The following GABRG3 variants were observed in gnomAD, a reference collection of about 807,000 sequenced individuals.
GABRG3 encodes gamma-aminobutyric acid type A receptor subunit gamma3, also known as gamma-aminobutyric acid receptor subunit gamma-3.
A neutral mutation model predicts 48.8 loss-of-function variants in GABRG3; 25 were observed. That is an observed-to-expected ratio of 0.51 (90% CI 0.37 to 0.72). The LOEUF (loss-of-function observed/expected upper bound fraction) is 0.72. Among genes scored for constraint, GABRG3 ranks in the 30% least tolerant of loss-of-function variants. The pLI is 0.00. For synonymous variants in GABRG3, 227 were observed against 217.6 expected (o/e 1.04, Z -0.38); for missense variants, 394 against 577.9 (o/e 0.68, Z 3.26).
intron 3 of GABRG3, among the ~76,000 whole-genome samples, chr15:27,247,180 T>A (rs1259218134): frequency 1.3e-5 from 2 of 152,120 alleles, no homozygotes; most frequent in Non-Finnish European, 2.9e-5. Context: ...CCTCAAGCAG[T>A]CCTCCCACTT....
chr15:27,126,619 G>A (rs76405947), intron 3 of GABRG3, among the ~76,000 whole-genome samples: 2,801 of 152,246 alleles, frequency 0.018, 82 homozygotes, highest in African/African-American at 0.065. Flanking sequence ...AGGCCTTTCC[G>A]AGCTCCCCTG....
rs1891545566 is a variant in GABRG3 at position 27,536,304 on chromosome 15, G to A, written c.*3423G>A. Reference sequence around the variant, plus strand: ...AGAGACTCCCTACATACCAGACAGAGAAGGACAAAGTTAGTATAATTTACT... The same window carrying A: ...AGAGACTCCCTACATACCAGACAGAAAAGGACAAAGTTAGTATAATTTACT... On this transcript the variant is annotated 3_prime_UTR_variant, in exon 10 of 10. Transcript: ENST00000615808. 6.6e-6 allele frequency: 1 copy of A among 152,164 alleles called. No homozygotes were observed. The highest frequency in any genetic ancestry group is 1.5e-5 in the Non-Finnish European group (1 of 68,040). 9.4% of individuals were successfully genotyped at this position (152,164 alleles called of 1,614,324 possible).
At chr15:27,425,448 CAA>C (rs57986546) in intron 5 of GABRG3, among the ~76,000 whole-genome samples, 15 of 77,836 alleles carry the variant, frequency 1.9e-4, no homozygotes, top group Non-Finnish European at 2.1e-4. Context: ...ACTAAAAATA[CAA>C]AAAAAAAAAA....
At chr15:27,313,260 G>GTATATATATATA (rs1391208486) in intron 3 of GABRG3, among the ~76,000 whole-genome samples, 4 of 49,554 alleles carry the variant, frequency 8.1e-5, no homozygotes, top group Non-Finnish European at 1.1e-4. Context: ...GTGTGTGTGT[G>GTATATATATATA]TGTATATATA....
intron 3 of GABRG3, among the ~76,000 whole-genome samples, chr15:27,265,266 C>G (rs1379869337): frequency 6.6e-6 from 1 of 152,036 alleles, no homozygotes; most frequent in Non-Finnish European, 1.5e-5. Context: ...CCAGTCACTT[C>G]TATAGTATAA....
At chr15:27,321,698 C>T (rs1277647533) in intron 3 of GABRG3, among the ~76,000 whole-genome samples, 3 of 152,150 alleles carry the variant, frequency 2.0e-5, no homozygotes, top group Non-Finnish European at 4.4e-5. Context: ...GGCTTTGTCC[C>T]CCAGCAAGTG....
intron 3 of GABRG3, among the ~76,000 whole-genome samples, chr15:27,076,527 T>C (rs1896913907): frequency 6.6e-6 from 1 of 152,044 alleles, no homozygotes. Flanking sequence ...GGTTTCACCA[T>C]GTTGACCAGG....
chr15:27,219,932 G>A (rs956545214), intron 3 of GABRG3, among the ~76,000 whole-genome samples: 8 of 152,308 alleles, frequency 5.3e-5, no homozygotes, highest in East Asian at 1.9e-4. Context: ...ATAGAGGAGG[G>A]TGGTCATTTT....
chr15:27,468,615 C>G (rs775244802), intron 5 of GABRG3, among the ~76,000 whole-genome samples: 1 of 152,172 alleles, frequency 6.6e-6, no homozygotes, highest in African/African-American at 2.4e-5. Flanking sequence ...CCTGGATTTT[C>G]TATTCTCTTG....
intron 3 of GABRG3, among the ~76,000 whole-genome samples, chr15:27,038,536 G>A (rs544889581): frequency 1.1e-4 from 16 of 152,310 alleles, no homozygotes; most frequent in Admixed American, 7.8e-4. Flanking sequence ...CTGGCACCAC[G>A]CTCTTCTCCT....
chr15:27,131,359 C>G (rs1206274726), intron 3 of GABRG3, among the ~76,000 whole-genome samples: 1 of 151,974 alleles, frequency 6.6e-6, no homozygotes, highest in Non-Finnish European at 1.5e-5. Flanking sequence ...TTATGTCAAA[C>G]TATCCTTGTT....
chr15:27,416,509 C>A (rs1412372578), intron 5 of GABRG3, among the ~76,000 whole-genome samples: 1 of 152,170 alleles, frequency 6.6e-6, no homozygotes, highest in Non-Finnish European at 1.5e-5. Flanking sequence ...TTTTCTTCTC[C>A]TTCTGCCAGA....
chr15:27,492,894 C>T (rs538387014), intron 6 of GABRG3, among the ~76,000 whole-genome samples: 53 of 152,104 alleles, frequency 3.5e-4, no homozygotes, highest in Admixed American at 1.2e-3. Context: ...AAGATTTAGT[C>T]ATTTTGAAAA....
At chr15:27,089,971 C>T (rs564475782) in intron 3 of GABRG3, among the ~76,000 whole-genome samples, 109 of 152,286 alleles carry the variant, frequency 7.2e-4, no homozygotes, top group African/African-American at 2.6e-3. Flanking sequence ...TAGTTGTTTT[C>T]ACCTTTTAGC....
At chr15:27,339,535 C>G (rs1344093841) in intron 5 of GABRG3, among the ~76,000 whole-genome samples, 1 of 152,204 alleles carries the variant, frequency 6.6e-6, no homozygotes, top group East Asian at 1.9e-4. Context: ...GACTTGCACA[C>G]CTTGTGGAAT....
chr15:27,460,245 A>G (rs1008634408), intron 5 of GABRG3, among the ~76,000 whole-genome samples: 19 of 152,214 alleles, frequency 1.2e-4, no homozygotes, highest in African/African-American at 4.6e-4. Context: ...GCATACTGCA[A>G]CCATTCAAAC....
At chr15:27,525,844 C>T (rs1444653433) in intron 7 of GABRG3, among the ~76,000 whole-genome samples, 1 of 152,104 alleles carries the variant, frequency 6.6e-6, no homozygotes, top group Non-Finnish European at 1.5e-5. Flanking sequence ...AGAGCTAATG[C>T]ATGCTGGGCT....
intron 3 of GABRG3, among the ~76,000 whole-genome samples, chr15:27,266,666 T>C (rs1239769436): frequency 6.6e-6 from 1 of 152,214 alleles, no homozygotes; most frequent in Non-Finnish European, 1.5e-5. Flanking sequence ...ACAAACACAG[T>C]CTATTCCTCC....
intron 3 of GABRG3, among the ~76,000 whole-genome samples, chr15:27,213,887 G>C (rs766434774): frequency 1.6e-4 from 24 of 152,216 alleles, no homozygotes; most frequent in Non-Finnish European, 3.2e-4. Flanking sequence ...GTGTTTGCTT[G>C]TTTGCAACCT....
Sources: allele counts gnomAD v4.1 joint callset (sites outside exome capture counted in the v4.1 genomes callset), GRCh38; gene constraint gnomAD v4.1.1; transcripts MANE v1.5; gene names NCBI Gene and HGNC (gene_info 2026-07-23, HGNC 2026-07-21).